The following TMEM255A variants were observed in gnomAD, a reference collection of about 807,000 sequenced individuals.
The protein encoded by TMEM255A is transmembrane protein 255A, also known as family with sequence similarity 70, member A.
Under a neutral mutation model 23.5 loss-of-function variants are expected in TMEM255A, and 14 were observed. That is an observed-to-expected ratio of 0.60 (90% confidence interval 0.39 to 0.93). TMEM255A has a LOEUF of 0.93. Among genes scored for constraint, TMEM255A ranks in the 40% least tolerant of loss-of-function variants. The probability of loss-of-function intolerance (pLI) is 0.00; values close to 1 mark genes in which losing one functional copy is unlikely to be tolerated. For synonymous variants in TMEM255A, 104 were observed against 100.3 expected (o/e 1.04, Z -0.22); for missense variants, 233 against 261.7 (o/e 0.89, Z 0.76).
chrX:120,302,013 C>A (rs1444670090), intron 2 of TMEM255A, among the ~76,000 whole-genome samples: 2 of 111,913 alleles, frequency 1.8e-5, no homozygotes, highest in African/African-American at 6.5e-5. Flanking sequence ...TTTAAAGAAG[C>A]AATCTCCAGG....
At chrX:120,292,618 G>A (rs2057923719) in intron 3 of TMEM255A, among the ~76,000 whole-genome samples, 1 of 110,843 alleles carries the variant, frequency 9.0e-6, no homozygotes, top group Admixed American at 9.6e-5. Context: ...AAATTAGCCA[G>A]GCATGGTGAT....
intron 2 of TMEM255A, among the ~76,000 whole-genome samples, chrX:120,299,179 T>A (rs1482346556): frequency 8.9e-6 from 1 of 111,949 alleles, no homozygotes. Context: ...GATCTCACTC[T>A]GTCACCCAGT....
chrX:120,254,812 C>T (rs782029088), downstream of TMEM255A: 7 of 1,210,127 alleles, frequency 5.8e-6, no homozygotes, highest in East Asian at 1.2e-4. Flanking sequence ...ATACCAAAAA[C>T]GTCTGGCAGC....
chrX:120,253,389 A>G, the TMEM255A span: 21 of 1,171,116 alleles, frequency 1.8e-5, no homozygotes, highest in Non-Finnish European at 2.4e-5. Context: ...ATCCTCTCCC[A>G]TCCCCTCCTC....
chrX:120,298,606 T>A (rs1175416877), intron 2 of TMEM255A, among the ~76,000 whole-genome samples: 4 of 111,123 alleles, frequency 3.6e-5, no homozygotes, highest in East Asian at 2.8e-4. Context: ...ATATGTGGTA[T>A]ATGTATTGTA....
intron 1 of TMEM255A, among the ~76,000 whole-genome samples, chrX:120,306,012 G>T (rs1261825617): frequency 9.0e-6 from 1 of 111,612 alleles, no homozygotes; most frequent in African/African-American, 3.3e-5. Flanking sequence ...ACTATTTTTC[G>T]TTGAAATGTA....
At chrX:120,279,979 C>T (rs1357172016) in intron 6 of TMEM255A, among the ~76,000 whole-genome samples, 10 of 73,752 alleles carry the variant, frequency 1.4e-4, no homozygotes, top group South Asian at 6.9e-4. Flanking sequence ...TTCCTTCCTT[C>T]TTTTCTTTCC....
At chrX:120,310,507 G>A (rs936766645) in intron 1 of TMEM255A, among the ~76,000 whole-genome samples, 41 of 111,915 alleles carry the variant, frequency 3.7e-4, no homozygotes, top group Non-Finnish European at 6.8e-4. Flanking sequence ...GGCTCGCGCT[G>A]GATGTTTCTT....
intron 8 of TMEM255A, among the ~76,000 whole-genome samples, chrX:120,267,542 A>G (rs1323329036): frequency 8.9e-6 from 1 of 112,351 alleles, no homozygotes; most frequent in African/African-American, 3.2e-5. Flanking sequence ...GTTTGCCCAA[A>G]GTGTCTAGTT....
chrX:120,298,859 G>T (rs1255303632), intron 2 of TMEM255A, among the ~76,000 whole-genome samples: 3 of 98,917 alleles, frequency 3.0e-5, no homozygotes, highest in African/African-American at 1.1e-4. Flanking sequence ...TTTTTAAGTT[G>T]GGATAGAACA....
chrX:120,268,063 G>A (rs1218624225), intron 8 of TMEM255A, among the ~76,000 whole-genome samples, 181 bp downstream of exon 8: 6 of 111,161 alleles, frequency 5.4e-5, no homozygotes, highest in African/African-American at 1.3e-4. Flanking sequence ...CTCTGCCATC[G>A]TTGCCTGCCT....
intron 3 of TMEM255A, among the ~76,000 whole-genome samples, chrX:120,292,819 T>C (rs2057925869): frequency 9.1e-6 from 1 of 110,461 alleles, no homozygotes; most frequent in Non-Finnish European, 1.9e-5. Context: ...TAGGAGGAAA[T>C]ACTTATCTCC....
At chrX:120,252,071 C>T in the TMEM255A span, among the ~76,000 whole-genome samples, 1 of 112,239 alleles carries the variant, frequency 8.9e-6, no homozygotes, top group East Asian at 2.8e-4. Flanking sequence ...GTACTGTTAA[C>T]ATGCAACACC....
At chrX:120,299,093 G>T (rs1437514701) in intron 2 of TMEM255A, among the ~76,000 whole-genome samples, 10 of 111,744 alleles carry the variant, frequency 8.9e-5, no homozygotes, top group African/African-American at 3.3e-4. Flanking sequence ...AGCCAATGAA[G>T]GTGAGAACCT....
At chrX:120,283,821 T>G (rs5957348) in intron 6 of TMEM255A, among the ~76,000 whole-genome samples, 45,204 of 109,666 alleles carry the variant, frequency 0.41, 7,348 homozygotes, top group East Asian at 0.57. Context: ...AACCACTCAA[T>G]TCCATCTTCC....
intron 4 of TMEM255A, 86 bp from the exon 5 acceptor site, chrX:120,287,308 T>TAAACACACACACACAC (rs1556022055): frequency 8.6e-6 from 4 of 463,480 alleles, no homozygotes; most frequent in Non-Finnish European, 1.5e-5. Flanking sequence ...AAGGTTTGAA[T>TAAACACACACACACAC]ACACACACAC....
chrX:120,297,138 ATATATTATAT>A (rs1429427919), intron 2 of TMEM255A, among the ~76,000 whole-genome samples: 1 of 47,220 alleles, frequency 2.1e-5, no homozygotes, highest in Non-Finnish European at 3.5e-5. Context: ...ATAATATTAT[ATATATTATAT>A]TATATTATAA....
downstream of TMEM255A, chrX:120,255,074 G>T: frequency 8.3e-7 from 1 of 1,211,852 alleles, no homozygotes; most frequent in African/African-American, 1.7e-5. Context: ...ATCAGTGTTT[G>T]GCCTGTGGCA....
chrX:120,262,663 C>T (rs1471282019), intron 8 of TMEM255A, among the ~76,000 whole-genome samples: 2 of 111,998 alleles, frequency 1.8e-5, no homozygotes, highest in African/African-American at 6.5e-5. Context: ...CCCTCCTGTT[C>T]TGTTGCTTTC....
Sources: allele counts gnomAD v4.1 joint callset (sites outside exome capture counted in the v4.1 genomes callset), GRCh38; gene constraint gnomAD v4.1.1; transcripts MANE v1.5; gene names NCBI Gene and HGNC (gene_info 2026-07-23, HGNC 2026-07-21).